CDH4: variants seen among roughly 807,000 people sequenced by gnomAD.
The protein encoded by CDH4 is cadherin-4.
In CDH4, 33 loss-of-function variants were observed where a neutral mutation model predicts 86.0. The ratio of observed to expected loss-of-function variants is 0.38; its 90% CI spans 0.29 to 0.51. The LOEUF (loss-of-function observed/expected upper bound fraction) is 0.51. CDH4 is among the 20% of genes least tolerant of loss of function. The pLI is 0.86. For missense variants in CDH4, 1,114 were observed against 1,307.4 expected (o/e 0.85, Z 2.28); for synonymous variants, 555 against 549.4 (o/e 1.01, Z -0.14).
intron 2 of CDH4, among the ~76,000 whole-genome samples, chr20:61,461,469 C>A (rs867064571): frequency 6.6e-6 from 1 of 152,064 alleles, no homozygotes; most frequent in Non-Finnish European, 1.5e-5. Context: ...ACTCGGCTTC[C>A]GCTGGAAGGA....
chr20:61,499,351 A>G, intron 2 of CDH4: 2 of 845,554 alleles, frequency 2.4e-6, no homozygotes, highest in South Asian at 1.4e-5. Context: ...GCCACCTAGA[A>G]GGATAGCAGT....
intron 2 of CDH4, among the ~76,000 whole-genome samples, chr20:61,293,852 C>G (rs1371160149): frequency 6.6e-6 from 1 of 152,182 alleles, no homozygotes; most frequent in African/African-American, 2.4e-5. Context: ...GGGTGGCATC[C>G]TGGGGTGGGA....
At chr20:61,805,419 C>A (rs953995690) in intron 4 of CDH4, among the ~76,000 whole-genome samples, 1 of 152,226 alleles carries the variant, frequency 6.6e-6, no homozygotes, top group Non-Finnish European at 1.5e-5. Context: ...CAGAGCCACA[C>A]CCGAGCCCCA....
At chr20:61,399,995 C>T (rs921450408) in intron 2 of CDH4, among the ~76,000 whole-genome samples, 22 of 152,198 alleles carry the variant, frequency 1.4e-4, no homozygotes, top group African/African-American at 5.3e-4. Context: ...CCATTTTTAC[C>T]AGGATCCCTC....
Position 61,746,152 on chromosome 20 carries a change from G to A in CDH4, c.396+2363G>A, listed in dbSNP as rs185633166. Among the ~76,000 whole-genome samples the A allele has an allele frequency of 1.7e-3, 259 of 152,154 alleles. 1 individual carries two copies. The highest frequency in any genetic ancestry group is 3.4e-3 in the Middle Eastern group (1 of 292). On this transcript the variant is annotated intron_variant, in intron 3 of 15. Coordinates refer to ENST00000614565, the MANE Select transcript of CDH4 (RefSeq NM_001794.5). ...AATCGTGAGCCCCACCTGTGAGTCC[G>A]GCGTATGTCGTTTTCGTACTTTCCT... is the stretch of plus-strand genomic sequence containing the variant.
chr20:61,711,781 G>A (rs1229908375), intron 2 of CDH4, among the ~76,000 whole-genome samples: 3 of 152,292 alleles, frequency 2.0e-5, no homozygotes, highest in East Asian at 1.9e-4. Context: ...CACCGTGTGC[G>A]GGGCTGAAAC....
chr20:61,668,667 G>C (rs1291212194), intron 2 of CDH4, among the ~76,000 whole-genome samples: 1 of 152,172 alleles, frequency 6.6e-6, no homozygotes, highest in African/African-American at 2.4e-5. Context: ...CACACCCAAG[G>C]TTAAGCAGCC....
chr20:61,547,447 C>T (rs2086096993), intron 2 of CDH4, among the ~76,000 whole-genome samples: 1 of 151,840 alleles, frequency 6.6e-6, no homozygotes, highest in South Asian at 2.1e-4. Flanking sequence ...ATCTCCTGAC[C>T]TTGTGATCCA....
intron 2 of CDH4, among the ~76,000 whole-genome samples, chr20:61,324,411 G>A (rs573860680): frequency 7.9e-4 from 120 of 152,310 alleles, no homozygotes; most frequent in African/African-American, 2.8e-3. Flanking sequence ...GTGTCAGAGA[G>A]CCATGCTCCC....
chr20:61,680,406 T>G (rs1204850442), intron 2 of CDH4, among the ~76,000 whole-genome samples: 1 of 152,180 alleles, frequency 6.6e-6, no homozygotes, highest in African/African-American at 2.4e-5. Flanking sequence ...CCAAGGTCCC[T>G]GGCCAGGGCC....
Position 61,404,579 on chromosome 20 carries a change from A to T in CDH4, c.169+149642A>T, listed in dbSNP as rs141933255. Among the ~76,000 whole-genome samples, 1,423 of 152,234 alleles carry T rather than the reference A, an allele frequency of 9.3e-3. 14 individuals are homozygous for T. Among genetic ancestry groups the T allele is most frequent in the South Asian group, 0.015 (73 of 4,824 alleles). The stretch of plus-strand genomic sequence containing the variant: ...CGACGCCACTTGCATTGAGGCACAG[A>T]GACAACGTGGGCAGGGGATTTGGGA... On this transcript the variant is annotated intron_variant, in intron 2 of 15. Coordinates refer to ENST00000614565, the MANE Select transcript of CDH4 (RefSeq NM_001794.5).
intron 2 of CDH4, among the ~76,000 whole-genome samples, chr20:61,669,274 C>T (rs745785340): frequency 5.9e-5 from 9 of 152,196 alleles, no homozygotes; most frequent in Non-Finnish European, 7.3e-5. Flanking sequence ...GATGCAGCAC[C>T]GGCACCCCAC....
At chr20:61,257,461 G>T (rs1464457523) in intron 2 of CDH4, among the ~76,000 whole-genome samples, 1 of 152,268 alleles carries the variant, frequency 6.6e-6, no homozygotes, top group Non-Finnish European at 1.5e-5. Flanking sequence ...GAGAAGCGGA[G>T]CCGCGAAGTA....
intron 2 of CDH4, among the ~76,000 whole-genome samples, chr20:61,580,124 A>G (rs1417541927): frequency 2.0e-5 from 3 of 147,394 alleles, no homozygotes; most frequent in African/African-American, 7.4e-5. Context: ...CACTGCTACA[A>G]AAAAAAAAAA....
At chr20:61,426,285 T>C (rs572581710) in intron 2 of CDH4, among the ~76,000 whole-genome samples, 9 of 152,288 alleles carry the variant, frequency 5.9e-5, no homozygotes, top group African/African-American at 1.9e-4. Flanking sequence ...AAAAACACTC[T>C]GGCTTAATAT....
chr20:61,324,819 C>T (rs1367326440), intron 2 of CDH4, among the ~76,000 whole-genome samples: 1 of 152,188 alleles, frequency 6.6e-6, no homozygotes, highest in Non-Finnish European at 1.5e-5. Context: ...GTGTGTCCAT[C>T]TGCACACCTC....
In CDH4 at chr20:61,544,509, C is replaced by G. The variant is rs2086063063; in HGVS notation, c.170-199054C>G. 6.6e-6 allele frequency among the ~76,000 whole-genome samples: 1 copy of G among 151,676 alleles called. No individual in the cohort carries two copies. The highest frequency in any genetic ancestry group is 2.0e-4 in the East Asian group (1 of 5,110). On this transcript the variant is annotated intron_variant, in intron 2 of 15. Transcript: ENST00000614565. The surrounding 1 kb of genome is among the most constrained non-coding windows in gnomAD (Gnocchi z 6.5). ...GAAGGAAAGCCCGTGGATTATGCAT[C>G]CAGGAATTAAAGCAGTCCATGCAAT...
intron 11 of CDH4, among the ~76,000 whole-genome samples, chr20:61,927,810 G>C (rs1435275741): frequency 2.0e-5 from 3 of 152,242 alleles, no homozygotes; most frequent in Admixed American, 2.0e-4. Flanking sequence ...ACACCCCGCT[G>C]TGTGCGTGTG....
rs756450217 is a variant in CDH4 at position 61,902,232 on chromosome 20, C to T, written c.1188+7185C>T. Among the ~76,000 whole-genome samples the T allele has an allele frequency of 5.9e-5, 9 of 152,198 alleles. No homozygotes were observed. Among genetic ancestry groups the T allele is most frequent in the Non-Finnish European group, 1.0e-4 (7 of 68,042 alleles). On this transcript the variant is annotated intron_variant, in intron 8 of 15. Transcript: ENST00000614565. This position sits in a 1 kb window ranked among gnomAD's most constrained non-coding sequence, Gnocchi z 4.6. The stretch of plus-strand genomic sequence containing the variant: ...TTCAGAGCAGGGCAGGCAGCACAAA[C>T]GGATGAACGATGCAGAGGCAGAAAA...
Sources: gnomAD v4.1 joint callset for allele counts (sites outside exome capture counted in the v4.1 genomes callset) on GRCh38, gnomAD v4.1.1 for gene constraint, Gnocchi (gnomAD v3.1) non-coding constraint, MANE v1.5 for transcripts, NCBI Gene and HGNC (gene_info 2026-07-23, HGNC 2026-07-21) for gene names.